ACSL4: variants seen among roughly 807,000 people sequenced by gnomAD.
ACSL4 encodes the protein acyl-CoA synthetase long chain family member 4, also known as long-chain-fatty-acid--CoA ligase 4.
In ACSL4, 9 loss-of-function variants were observed where a neutral mutation model predicts 49.1. The ratio of observed to expected loss-of-function variants is 0.18; its 90% confidence interval spans 0.11 to 0.32. The LOEUF (loss-of-function observed/expected upper bound fraction) is 0.32, where lower values mean the gene tolerates loss of function less well. Ranked by LOEUF, ACSL4 falls within the 10% of genes least tolerant of loss-of-function variation. The pLI is 1.00. For synonymous variants in ACSL4, 191 were observed against 170.3 expected (o/e 1.12, Z -0.95); for missense variants, 333 against 493.7 (o/e 0.67, Z 3.08).
In ACSL4 at chrX:109,733,242, G is replaced by A. The variant is rs780462179; in HGVS notation, c.-169C>T. The A allele has an allele frequency of 6.3e-6, 2 of 318,758 alleles. No individual in the cohort carries two copies. The highest frequency in any genetic ancestry group is 5.3e-5 in the South Asian group (2 of 37,541). 26.3% of individuals were successfully genotyped at this position (318,758 alleles called of 1,213,427 possible). On this transcript the variant is annotated 5_prime_UTR_variant, in exon 1 of 16. Coordinates refer to ENST00000672401, the MANE Select transcript of ACSL4 (RefSeq NM_001318510.2). ...CGCTAGCGCTGGGACGAGGAGGAGCGCGCGGCGGAGGCCAGAGAAAAAGCC... is the reference window on the plus strand; with the variant it reads ...CGCTAGCGCTGGGACGAGGAGGAGCACGCGGCGGAGGCCAGAGAAAAAGCC...
intron 2 of ACSL4, among the ~76,000 whole-genome samples, chrX:109,690,760 G>A (rs771434157): frequency 7.7e-4 from 71 of 92,096 alleles, no homozygotes; most frequent in Middle Eastern, 5.2e-3. Flanking sequence ...GACATTTTAG[G>A]GGGGGGGGGC....
chrX:109,708,635 A>G (rs1281734953), intron 1 of ACSL4, among the ~76,000 whole-genome samples: 2 of 112,244 alleles, frequency 1.8e-5, no homozygotes, highest in Non-Finnish European at 3.8e-5. Flanking sequence ...GAAGCTAAGC[A>G]TCCTTTTGGT....
At chrX:109,725,500 C>T (rs1927904993) in intron 1 of ACSL4, among the ~76,000 whole-genome samples, 1 of 111,553 alleles carries the variant, frequency 9.0e-6, no homozygotes, top group Non-Finnish European at 1.9e-5. Context: ...CGGTGGCTCA[C>T]ACCTATAACC....
intron 8 of ACSL4, among the ~76,000 whole-genome samples, chrX:109,675,688 G>GA (rs1010609312): frequency 4.6e-5 from 5 of 109,380 alleles, no homozygotes; most frequent in African/African-American, 1.3e-4. Flanking sequence ...TTCACAAAGG[G>GA]AAAAAAAAAT....
chrX:109,642,063 C>T lies in ACSL4; in HGVS notation c.*1966G>A, dbSNP rs1934459661. 9.0e-6 allele frequency: 1 copy of T among 111,712 alleles called. No individual in the cohort carries two copies. The highest frequency in any genetic ancestry group is 9.6e-5 in the Admixed American group (1 of 10,411). 9.2% of individuals were successfully genotyped at this position (111,712 alleles called of 1,213,427 possible). A position where few individuals can be genotyped will look rare whatever the true frequency, so the allele number is the denominator to read the frequency against. Reference sequence around the variant, plus strand: ...TTGCAAAGAATTAGCAGCACCCAACCTTAAGTGTTAATTATGTGTTTCTAA... The same window carrying T: ...TTGCAAAGAATTAGCAGCACCCAACTTTAAGTGTTAATTATGTGTTTCTAA... On this transcript the variant is annotated 3_prime_UTR_variant, in exon 16 of 16. Transcript: ENST00000672401.
chrX:109,719,894 G>C (rs141782898), intron 1 of ACSL4, among the ~76,000 whole-genome samples: 1 of 111,784 alleles, frequency 8.9e-6, no homozygotes, highest in Non-Finnish European at 1.9e-5. Context: ...TAAGGAGGCT[G>C]AGGCAAGAGA....
In ACSL4 at chrX:109,733,173, C is replaced by T. The variant is rs1254689575; in HGVS notation, c.-100G>A. On this transcript the variant is annotated 5_prime_UTR_variant, in exon 1 of 16. Transcript: ENST00000672401. ...GGCCCACCGCGTCTTCGCAGCCGGC[C>T]GGCGCCTGGCACTCGGAAAGCTCGC... The T allele has an allele frequency of 6.1e-6, 2 of 328,324 alleles. No individual in the cohort carries two copies. Among genetic ancestry groups the T allele is most frequent in the Non-Finnish European group, 1.2e-5 (2 of 168,982 alleles). 27.1% of individuals were successfully genotyped at this position (328,324 alleles called of 1,213,427 possible). A position where few individuals can be genotyped will look rare whatever the true frequency, so the allele number is the denominator to read the frequency against.
chrX:109,693,981 G>A (rs780320412), intron 2 of ACSL4, among the ~76,000 whole-genome samples: 1 of 112,058 alleles, frequency 8.9e-6, no homozygotes, highest in East Asian at 2.8e-4. Context: ...AACTATAGAA[G>A]TTTGAATACT....
chrX:109,662,269 C>G (rs1468254088), intron 13 of ACSL4, among the ~76,000 whole-genome samples: 1 of 110,894 alleles, frequency 9.0e-6, no homozygotes, highest in South Asian at 3.8e-4. Context: ...TTTGCCTACC[C>G]GTAGCCTGGG....
chrX:109,676,551 T>C (rs994200229), intron 8 of ACSL4, among the ~76,000 whole-genome samples: 1 of 111,099 alleles, frequency 9.0e-6, no homozygotes, highest in Non-Finnish European at 1.9e-5. Flanking sequence ...TACCTATACT[T>C]GCTTTGTCTT....
At chrX:109,659,881 A>G (rs1922026312) in intron 14 of ACSL4, among the ~76,000 whole-genome samples, 1 of 111,517 alleles carries the variant, frequency 9.0e-6, no homozygotes, top group Non-Finnish European at 1.9e-5. Context: ...AAATGGATCA[A>G]AAATCTAAAC....
intron 15 of ACSL4, among the ~76,000 whole-genome samples, chrX:109,649,634 A>C (rs1183884563): frequency 3.6e-5 from 4 of 111,677 alleles, no homozygotes; most frequent in South Asian, 3.7e-4. Flanking sequence ...TTCATGTCTA[A>C]AACACCAAAA....
Position 109,721,862 on chromosome X carries a change from A to G in ACSL4, c.-66+11277T>C, listed in dbSNP as rs771560548. Among the ~76,000 whole-genome samples the G allele has an allele frequency of 1.2e-4, 14 of 112,412 alleles. 3 individuals carry two copies. The South Asian group carries it at 1.5e-3, about 12-fold the overall frequency. On this transcript the variant is annotated intron_variant, in intron 1 of 15. Transcript: ENST00000672401. ...ATTTTCAATGCCTCTGTAAAAGTTC[A>G]ATCTCACATGCCCTCTCATTAACTA...
intron 14 of ACSL4, among the ~76,000 whole-genome samples, 184 bp from the exon 15 acceptor site, chrX:109,659,695 G>C (rs1382488257): frequency 6.3e-5 from 7 of 111,346 alleles, no homozygotes; most frequent in Non-Finnish European, 1.1e-4. Context: ...CAATGGAATA[G>C]AGAAACTAGA....
intron 1 of ACSL4, among the ~76,000 whole-genome samples, chrX:109,731,233 A>G (rs1928418126): frequency 9.0e-6 from 1 of 110,687 alleles, no homozygotes; most frequent in East Asian, 2.8e-4. Flanking sequence ...ATTGCATTAT[A>G]TGTGTGTGTG....
chrX:109,660,052 CCAAAAGCAAAGGCAA>C (rs1922045516), intron 14 of ACSL4, among the ~76,000 whole-genome samples: 1 of 108,438 alleles, frequency 9.2e-6, no homozygotes, highest in Non-Finnish European at 1.9e-5. Context: ...GGGTGTGACA[CCAAAAGCAAAGGCAA>C]CAAAAGCAAA....
Position 109,642,286 on chromosome X carries a change from C to T in ACSL4, c.*1743G>A, listed in dbSNP as rs1414595122. 4 of 111,516 alleles carry T rather than the reference C, an allele frequency of 3.6e-5. No homozygotes were observed. Among genetic ancestry groups the T allele is most frequent in the Non-Finnish European group, 7.5e-5 (4 of 52,985 alleles). 9.2% of individuals were successfully genotyped at this position (111,516 alleles called of 1,213,427 possible). A position where few individuals can be genotyped will look rare whatever the true frequency, so the allele number is the denominator to read the frequency against. On this transcript the variant is annotated 3_prime_UTR_variant, in exon 16 of 16. Coordinates refer to ENST00000672401, the MANE Select transcript of ACSL4 (RefSeq NM_001318510.2). ...ATAAACAGCAGGGCAGGAATAAAAG[C>T]TGAACAGTAGTCTACTTGATAATAA...
chrX:109,691,475 G>A (rs1282452670), intron 2 of ACSL4, among the ~76,000 whole-genome samples: 1 of 112,031 alleles, frequency 8.9e-6, no homozygotes, highest in African/African-American at 3.2e-5. Flanking sequence ...AAGGGGTGGA[G>A]TGCTTCCTTA....
intron 1 of ACSL4, among the ~76,000 whole-genome samples, chrX:109,718,018 C>T (rs1464054557): frequency 9.0e-6 from 1 of 111,606 alleles, no homozygotes; most frequent in African/African-American, 3.3e-5. Flanking sequence ...CAGGTAACTG[C>T]GCAACTTTGA....
Sources: allele counts gnomAD v4.1 joint callset (sites outside exome capture counted in the v4.1 genomes callset), GRCh38; gene constraint gnomAD v4.1.1; transcripts MANE v1.5; gene names NCBI Gene and HGNC (gene_info 2026-07-23, HGNC 2026-07-21).